DLG1: variants seen among roughly 807,000 people sequenced by gnomAD.
DLG1 encodes discs large MAGUK scaffold protein 1, also known as disks large homolog 1.
Under a neutral mutation model 123.4 loss-of-function variants are expected in DLG1, and 42 were observed. That is an observed-to-expected ratio of 0.34 (90% CI 0.27 to 0.44). The LOEUF (loss-of-function observed/expected upper bound fraction) is 0.44, where lower values mean the gene tolerates loss of function less well. Ranked by LOEUF, DLG1 falls within the 20% of genes least tolerant of loss-of-function variation. DLG1 has a pLI of 1.00. For missense variants in DLG1, 942 were observed against 1,082.6 expected, an observed-to-expected ratio of 0.87 and a Z score of 1.82; for synonymous variants, 317 against 356.2, an observed-to-expected ratio of 0.89 and a Z score of 1.24.
upstream of DLG1, chr3:197,298,718 G>T (rs112376681): frequency 1.5e-5 from 6 of 397,496 alleles, no homozygotes; most frequent in Non-Finnish European, 2.7e-5. Flanking sequence ...TCGGGGAGGG[G>T]TGCCAACTCT....
chr3:197,140,324 T>A, intron 7 of DLG1, 60 bp from the exon 8 acceptor site: 1 of 1,565,190 alleles, frequency 6.4e-7, no homozygotes, highest in Non-Finnish European at 8.7e-7. Context: ...GACAGGTTCC[T>A]GTCATTAAAG....
chr3:197,147,355 C>T (rs1316002202), intron 6 of DLG1, among the ~76,000 whole-genome samples: 4 of 151,686 alleles, frequency 2.6e-5, no homozygotes, highest in Middle Eastern at 3.2e-3. Context: ...TTTATAGCAG[C>T]GCAATTCACA....
At chr3:197,242,270 C>A (rs988820207) in intron 4 of DLG1, among the ~76,000 whole-genome samples, 1 of 151,764 alleles carries the variant, frequency 6.6e-6, no homozygotes, top group Non-Finnish European at 1.5e-5. Context: ...AATATTCACC[C>A]ATCAGAGCTC....
At chr3:197,144,298 T>C (rs1432894100) in intron 6 of DLG1, among the ~76,000 whole-genome samples, 1 of 152,120 alleles carries the variant, frequency 6.6e-6, no homozygotes, top group Non-Finnish European at 1.5e-5. Flanking sequence ...CCAGCAGCTA[T>C]AACATGAGTA....
intron 4 of DLG1, among the ~76,000 whole-genome samples, chr3:197,222,441 GTATT>G (rs1737631785): frequency 6.6e-6 from 1 of 152,148 alleles, no homozygotes; most frequent in Admixed American, 6.5e-5. Flanking sequence ...TGTTAGTTTA[GTATT>G]TATTATTTGC....
chr3:197,289,400 G>A (rs1254241740), intron 3 of DLG1, among the ~76,000 whole-genome samples: 2 of 151,916 alleles, frequency 1.3e-5, no homozygotes, highest in Non-Finnish European at 2.9e-5. Context: ...TCCCATGGAT[G>A]AAGTAGGAGG....
chr3:197,212,827 A>C (rs1004748202), intron 4 of DLG1, among the ~76,000 whole-genome samples: 1 of 152,230 alleles, frequency 6.6e-6, no homozygotes, highest in African/African-American at 2.4e-5. Context: ...TTAACAAAAG[A>C]AGATTTACTC....
chr3:197,131,679 C>T (rs112539262), intron 10 of DLG1, among the ~76,000 whole-genome samples: 1,574 of 145,442 alleles, frequency 0.011, 34 homozygotes, highest in African/African-American at 0.037. Context: ...CTGCAAGCTC[C>T]GCCTCCCGGG....
intron 5 of DLG1, among the ~76,000 whole-genome samples, chr3:197,154,708 A>G (rs891616781): frequency 6.6e-6 from 1 of 152,276 alleles, no homozygotes; most frequent in East Asian, 1.9e-4. Flanking sequence ...ATGTGAACAA[A>G]AGCAAGAAAG....
chr3:197,181,499 G>A (rs1033656372), intron 5 of DLG1, among the ~76,000 whole-genome samples: 1 of 152,090 alleles, frequency 6.6e-6, no homozygotes, highest in African/African-American at 2.4e-5. Flanking sequence ...AAAGAAAGCT[G>A]CCAGCCATGA....
chr3:197,250,459 C>T (rs1024234858), intron 4 of DLG1, among the ~76,000 whole-genome samples: 1 of 151,866 alleles, frequency 6.6e-6, no homozygotes, highest in Admixed American at 6.5e-5. Context: ...ATCCCAGCTA[C>T]TCAGGAGGCT....
At chr3:197,069,315 A>T (rs1056831264) in intron 18 of DLG1, 55 bp from the exon 19 acceptor site, 2 of 1,216,038 alleles carry the variant, frequency 1.6e-6, no homozygotes, top group Non-Finnish European at 2.3e-6. Flanking sequence ...TTTAAAAAGC[A>T]AATAATCAAA....
At chr3:197,142,647 T>C (rs9866058) in intron 7 of DLG1, 71 bp downstream of exon 7, 328,018 of 1,191,842 alleles carry the variant, frequency 0.28, 47,595 homozygotes, top group Middle Eastern at 0.4. Context: ...GAGATCTCCC[T>C]TGGATTCTGT....
At chr3:197,196,503 G>A (rs1722597755) in intron 4 of DLG1, among the ~76,000 whole-genome samples, 1 of 152,142 alleles carries the variant, frequency 6.6e-6, no homozygotes, top group Non-Finnish European at 1.5e-5. Context: ...GTACTCTCAG[G>A]AGTAGATATA....
intron 4 of DLG1, among the ~76,000 whole-genome samples, chr3:197,205,832 T>C (rs1444448980): frequency 6.6e-6 from 1 of 152,218 alleles, no homozygotes; most frequent in African/African-American, 2.4e-5. Context: ...TTTCTTGCCT[T>C]TTCCAGTTTC....
At position 197,199,052 on chromosome 3, in the gene DLG1, G is replaced by T. The variant is rs374035724; in HGVS notation, c.319-4463C>A. 6.7e-4 allele frequency among the ~76,000 whole-genome samples: 102 copies of T among 152,180 alleles called. 1 individual carries two copies. Among genetic ancestry groups the T allele is most frequent in the Middle Eastern group, 6.8e-3 (2 of 294 alleles). ...TAAAAGAGTAAATTTTACACTATAT[G>T]AGTACCTTCAAATTATTATAAAAAT... On this transcript the variant is annotated intron_variant, in intron 4 of 24. Transcript: ENST00000667157.
intron 4 of DLG1, among the ~76,000 whole-genome samples, chr3:197,227,437 T>C (rs963691471): frequency 2.0e-4 from 31 of 151,708 alleles, no homozygotes; most frequent in Non-Finnish European, 4.3e-4. Flanking sequence ...ATTGCGCCAC[T>C]GCACTCCAGC....
rs1721545986 is a variant in DLG1 at position 197,044,289 on chromosome 3, G to A, written c.*334C>T. 5.6e-6 allele frequency: 1 copy of A among 179,728 alleles called. No individual in the cohort carries two copies. Among genetic ancestry groups the A allele is most frequent in the Non-Finnish European group, 1.2e-5 (1 of 86,684 alleles). The allele number at this position is 179,728 out of a possible 1,614,324, so 11.1% of individuals were successfully genotyped here. A position where few individuals can be genotyped will look rare whatever the true frequency, so the allele number is the denominator to read the frequency against. On this transcript the variant is annotated 3_prime_UTR_variant, in exon 25 of 25. Coordinates refer to ENST00000667157, the MANE Select transcript of DLG1 (RefSeq NM_001366207.1). Reference sequence around the variant, plus strand: ...ATTTGTACTGAAATTTGAAAAGAATGTATATAAAGCTTTTCCAAAAATCTC... The same window carrying A: ...ATTTGTACTGAAATTTGAAAAGAATATATATAAAGCTTTTCCAAAAATCTC...
rs144235665 is a variant in DLG1, at chr3:197,088,134, C to T, written c.1662-2378G>A. Among the ~76,000 whole-genome samples the T allele has an allele frequency of 4.5e-3, 691 of 152,182 alleles. 12 individuals are homozygous for T. The highest frequency in any genetic ancestry group is 4.1e-3 in the Non-Finnish European group (280 of 68,010). On this transcript the variant is annotated intron_variant, in intron 15 of 24. Coordinates refer to ENST00000667157, the MANE Select transcript of DLG1 (RefSeq NM_001366207.1). ...GAGCCAATTTATCCCCCCCTTTACCCCACTGTCTTCTAGTTAAATCCATTA... is the reference window on the plus strand; with the variant it reads ...GAGCCAATTTATCCCCCCCTTTACCTCACTGTCTTCTAGTTAAATCCATTA...
Sources: allele counts gnomAD v4.1 joint callset (sites outside exome capture counted in the v4.1 genomes callset), GRCh38; gene constraint gnomAD v4.1.1; transcripts MANE v1.5; gene names NCBI Gene and HGNC (gene_info 2026-07-23, HGNC 2026-07-21).